The following DLG2 variants were observed in gnomAD, a reference collection of about 807,000 sequenced individuals.
DLG2 encodes disks large homolog 2.
In DLG2, 45 loss-of-function variants were observed where a neutral mutation model predicts 132.5. That is an observed-to-expected ratio of 0.34 (90% CI 0.27 to 0.44). DLG2 has a LOEUF of 0.44. Among genes scored for constraint, DLG2 ranks in the 20% least tolerant of loss-of-function variants. DLG2 has a pLI of 1.00. For synonymous variants in DLG2, 424 were observed against 419.6 expected (o/e 1.01, Z -0.13); for missense variants, 1,045 against 1,196.9 (o/e 0.87, Z 1.87).
At chr11:84,496,616 G>A (rs1055338676) in intron 7 of DLG2, among the ~76,000 whole-genome samples, 3 of 152,052 alleles carry the variant, frequency 2.0e-5, no homozygotes, top group Non-Finnish European at 4.4e-5. Flanking sequence ...GTAATATAAG[G>A]AGAAAGTAAA....
chr11:83,545,611 G>T lies in DLG2; in HGVS notation c.1941-3753C>A, dbSNP rs943631797. Reference sequence around the variant, plus strand: ...GCATTCCCATTTGAAGTGGGGGTGGGACTATTCCTGGAGGTCCCTACCAGG... The same window carrying T: ...GCATTCCCATTTGAAGTGGGGGTGGTACTATTCCTGGAGGTCCCTACCAGG... On this transcript the variant is annotated intron_variant, in intron 19 of 27. Coordinates refer to ENST00000376104, the MANE Select transcript of DLG2 (RefSeq NM_001142699.3). Among the ~76,000 whole-genome samples, 3 of 152,052 alleles carry T rather than the reference G, an allele frequency of 2.0e-5. No individual in the cohort carries two copies. In the East Asian group the frequency reaches 5.8e-4, roughly 29 times the overall value.
intron 21 of DLG2, among the ~76,000 whole-genome samples, chr11:83,528,918 C>T (rs554067256): frequency 3.3e-4 from 51 of 152,252 alleles, no homozygotes; most frequent in African/African-American, 1.1e-3. Context: ...CACTGACAGT[C>T]ACATTAAAGT....
chr11:83,655,835 T>C (rs1040895714), intron 18 of DLG2, among the ~76,000 whole-genome samples: 1 of 152,216 alleles, frequency 6.6e-6, no homozygotes, highest in Non-Finnish European at 1.5e-5. Flanking sequence ...GCCCCCAATG[T>C]GTATTTCTTT....
intron 7 of DLG2, among the ~76,000 whole-genome samples, chr11:84,389,894 T>C (rs1014921188): frequency 6.6e-6 from 1 of 152,174 alleles, no homozygotes; most frequent in Non-Finnish European, 1.5e-5. Flanking sequence ...GGTAACAATA[T>C]GCAAATAATT....
At chr11:84,414,121 T>C (rs2098920249) in intron 7 of DLG2, among the ~76,000 whole-genome samples, 1 of 152,216 alleles carries the variant, frequency 6.6e-6, no homozygotes, top group Admixed American at 6.5e-5. Context: ...GTATACATTC[T>C]AGGTCACTTA....
chr11:84,060,807 C>A (rs2096579657), intron 10 of DLG2, among the ~76,000 whole-genome samples: 1 of 151,664 alleles, frequency 6.6e-6, no homozygotes, highest in Non-Finnish European at 1.5e-5. Context: ...TTGCTTGATG[C>A]TTCTTTTCCC....
intron 3 of DLG2, among the ~76,000 whole-genome samples, chr11:85,542,417 T>C (rs1181449519): frequency 6.6e-6 from 1 of 152,192 alleles, no homozygotes; most frequent in Non-Finnish European, 1.5e-5. Flanking sequence ...TTATGGAAGA[T>C]ATTCAAAGGA....
At chr11:84,766,296 G>A (rs1008701980) in intron 6 of DLG2, among the ~76,000 whole-genome samples, 8 of 152,010 alleles carry the variant, frequency 5.3e-5, no homozygotes, top group African/African-American at 1.9e-4. Context: ...TTTCTATGTG[G>A]AGTAGATGAG....
intron 5 of DLG2, among the ~76,000 whole-genome samples, chr11:85,146,714 T>C (rs1394492389): frequency 6.6e-6 from 1 of 152,208 alleles, no homozygotes; most frequent in African/African-American, 2.4e-5. Context: ...AACACTTCCT[T>C]GGGTGTGACA....
intron 15 of DLG2, among the ~76,000 whole-genome samples, chr11:83,922,769 C>T (rs1480632354): frequency 2.0e-5 from 3 of 152,062 alleles, no homozygotes; most frequent in African/African-American, 4.8e-5. Flanking sequence ...GCCTTGGGTA[C>T]AGCCCAGATT....
chr11:83,955,406 A>G (rs76696763), intron 14 of DLG2, among the ~76,000 whole-genome samples: 1 of 152,288 alleles, frequency 6.6e-6, no homozygotes, highest in African/African-American at 2.4e-5. Context: ...ATACTTGACT[A>G]AAAGTGACAG....
At chr11:84,730,699 T>C (rs899357990) in intron 6 of DLG2, among the ~76,000 whole-genome samples, 1 of 152,146 alleles carries the variant, frequency 6.6e-6, no homozygotes, top group East Asian at 1.9e-4. Flanking sequence ...ATTTTCCTTA[T>C]CAGCTCCCTT....
At chr11:84,342,789 T>C (rs191438830) in intron 7 of DLG2, among the ~76,000 whole-genome samples, 1 of 152,084 alleles carries the variant, frequency 6.6e-6, no homozygotes, top group Non-Finnish European at 1.5e-5. Flanking sequence ...CCAAACATAT[T>C]TATTGGGTCT....
chr11:84,872,932 T>C (rs2085708278), intron 6 of DLG2, among the ~76,000 whole-genome samples: 1 of 152,206 alleles, frequency 6.6e-6, no homozygotes, highest in African/African-American at 2.4e-5. Flanking sequence ...GAAAAAGACA[T>C]GCTACAAATT....
At chr11:84,725,718 T>C (rs890465894) in intron 6 of DLG2, among the ~76,000 whole-genome samples, 1 of 152,136 alleles carries the variant, frequency 6.6e-6, no homozygotes, top group Non-Finnish European at 1.5e-5. Context: ...TTCCGTAAAA[T>C]GGTGATAATA....
intron 15 of DLG2, among the ~76,000 whole-genome samples, chr11:83,878,061 T>A (rs1265939390): frequency 1.3e-5 from 2 of 152,230 alleles, no homozygotes. Context: ...CTGAGAACTG[T>A]TGTAGAAAGA....
intron 18 of DLG2, among the ~76,000 whole-genome samples, chr11:83,701,556 A>T (rs560364942): frequency 6.6e-6 from 1 of 152,240 alleles, no homozygotes; most frequent in African/African-American, 2.4e-5. Context: ...CTCTCAGCCC[A>T]TTAAGGGAAG....
At chr11:84,867,263 T>C (rs1019605224) in intron 6 of DLG2, among the ~76,000 whole-genome samples, 3 of 152,218 alleles carry the variant, frequency 2.0e-5, no homozygotes, top group Non-Finnish European at 4.4e-5. Flanking sequence ...GAACTCCTAT[T>C]TGAACACGTG....
intron 15 of DLG2, among the ~76,000 whole-genome samples, chr11:83,875,266 A>G (rs2064471709): frequency 6.6e-6 from 1 of 152,154 alleles, no homozygotes; most frequent in Non-Finnish European, 1.5e-5. Context: ...TAGATAAGTA[A>G]TATAAATAAA....
Sources: gnomAD v4.1 joint callset for allele counts (sites outside exome capture counted in the v4.1 genomes callset) on GRCh38, gnomAD v4.1.1 for gene constraint, MANE v1.5 for transcripts, NCBI Gene and HGNC (gene_info 2026-07-23, HGNC 2026-07-21) for gene names.